The following PDE1C variants were observed in gnomAD, a reference collection of about 807,000 sequenced individuals.
The protein encoded by PDE1C is dual specificity calcium/calmodulin-dependent 3',5'-cyclic nucleotide phosphodiesterase 1C.
Under a neutral mutation model 93.1 loss-of-function variants are expected in PDE1C, and 62 were observed. That is an observed-to-expected ratio of 0.67 (90% CI 0.54 to 0.82). The LOEUF is 0.82. PDE1C is among the 40% of genes least tolerant of loss of function. The probability of loss-of-function intolerance (pLI) is 0.00; values close to 1 mark genes in which losing one functional copy is unlikely to be tolerated. For synonymous variants in PDE1C, 325 were observed against 310.1 expected, an observed-to-expected ratio of 1.05 and a Z score of -0.50; for missense variants, 742 against 884.6, an observed-to-expected ratio of 0.84 and a Z score of 2.04.
At chr7:32,123,608 A>G (rs1318537056) in intron 3 of PDE1C, among the ~76,000 whole-genome samples, 1 of 152,208 alleles carries the variant, frequency 6.6e-6, no homozygotes, top group Non-Finnish European at 1.5e-5. Flanking sequence ...AAAAAATCAC[A>G]TGATTATCTC....
chr7:32,219,197 A>T (rs1806651133), intron 1 of PDE1C, among the ~76,000 whole-genome samples: 1 of 152,128 alleles, frequency 6.6e-6, no homozygotes, highest in Admixed American at 6.5e-5. Context: ...TGTGGCCTGG[A>T]GTGACTAGTA....
intron 1 of PDE1C, among the ~76,000 whole-genome samples, chr7:32,410,809 T>TA (rs1373872571): frequency 2.0e-5 from 3 of 152,320 alleles, no homozygotes; most frequent in African/African-American, 7.2e-5. Context: ...AGGCCCTTGA[T>TA]AACTCTATTC....
At chr7:32,295,192 T>C (rs1279359124) in intron 1 of PDE1C, among the ~76,000 whole-genome samples, 1 of 152,230 alleles carries the variant, frequency 6.6e-6, no homozygotes, top group Non-Finnish European at 1.5e-5. Context: ...TCTTTCTGGT[T>C]TTGCTCCAGC....
chr7:32,302,102 T>C (rs138400593), upstream of PDE1C, among the ~76,000 whole-genome samples: 47 of 152,360 alleles, frequency 3.1e-4, no homozygotes, highest in East Asian at 7.9e-3. Flanking sequence ...TGGGACCATA[T>C]GGCCTGCAAA....
chr7:32,304,694 T>C (rs1002712533), intron 1 of PDE1C, among the ~76,000 whole-genome samples: 3 of 152,110 alleles, frequency 2.0e-5, no homozygotes, highest in Non-Finnish European at 4.4e-5. Flanking sequence ...CTTAGAAAAA[T>C]GACTTAGCCT....
intron 14 of PDE1C, among the ~76,000 whole-genome samples, chr7:31,820,355 A>C (rs752105784): frequency 1.6e-4 from 25 of 152,150 alleles, no homozygotes; most frequent in Non-Finnish European, 3.2e-4. Context: ...TTAGTCTTAC[A>C]CCAGAAAATA....
chr7:32,302,215 T>C (rs1812898329), upstream of PDE1C, among the ~76,000 whole-genome samples: 1 of 152,192 alleles, frequency 6.6e-6, no homozygotes, highest in Non-Finnish European at 1.5e-5. Flanking sequence ...TAACTTCTAG[T>C]TTTATTATAT....
rs190551904 is a variant in PDE1C, at chr7:32,113,203, G to A, written c.308+56582C>T. On this transcript the variant is annotated intron_variant, in intron 3 of 18. Coordinates refer to the PDE1C transcript ENST00000396193. ...CCCTGTAGTTCCACCCGAGGGAAGAGTTATATTTATAAATATAAATATATT... is the reference window on the plus strand; with the variant it reads ...CCCTGTAGTTCCACCCGAGGGAAGAATTATATTTATAAATATAAATATATT... 2.0e-3 allele frequency among the ~76,000 whole-genome samples: 256 copies of A among 127,714 alleles called. 2 individuals are homozygous for A. Among genetic ancestry groups the A allele is most frequent in the Middle Eastern group, 0.016 (3 of 192 alleles). 83.8% of individuals were successfully genotyped at this position (127,714 alleles called of 152,430 possible).
chr7:32,356,800 A>C (rs1784038450), intron 1 of PDE1C, among the ~76,000 whole-genome samples: 1 of 152,146 alleles, frequency 6.6e-6, no homozygotes, highest in Non-Finnish European at 1.5e-5. Context: ...CATACATACA[A>C]CTCATTTTCT....
the PDE1C span, among the ~76,000 whole-genome samples, chr7:31,648,218 T>C: frequency 2.6e-4 from 40 of 152,272 alleles, 1 homozygote; most frequent in South Asian, 3.7e-3. Context: ...CATTGTCTTT[T>C]GGTGATGGTG....
In PDE1C at chr7:31,916,859, C is replaced by T. The variant is rs183608100; in HGVS notation, c.129-35999G>A. 5.7e-4 allele frequency among the ~76,000 whole-genome samples: 87 copies of T among 152,280 alleles called. 1 individual carries two copies. Among genetic ancestry groups the T allele is most frequent in the African/African-American group, 2.0e-3 (84 of 41,554 alleles). On this transcript the variant is annotated intron_variant, in intron 2 of 17. Coordinates refer to ENST00000396191, the MANE Select transcript of PDE1C (RefSeq NM_001191057.4). ...AGTTCCTGGCACATTTATTGGCACC[C>T]CTTTCTGGAGGCAATGGACTGGAGG...
intron 1 of PDE1C, among the ~76,000 whole-genome samples, chr7:32,241,763 A>C (rs1038394973): frequency 6.6e-6 from 1 of 152,140 alleles, no homozygotes; most frequent in Admixed American, 6.5e-5. Flanking sequence ...TGAGAAGGTG[A>C]GAGAAGATAG....
At chr7:31,661,529 ATG>A in the PDE1C span, among the ~76,000 whole-genome samples, 1 of 151,566 alleles carries the variant, frequency 6.6e-6, no homozygotes, top group African/African-American at 2.4e-5. Context: ...CCTGGGCAAC[ATG>A]GTGAATCCCC....
intron 3 of PDE1C, among the ~76,000 whole-genome samples, chr7:32,079,075 G>C (rs1033924663): frequency 2.0e-5 from 3 of 152,230 alleles, no homozygotes; most frequent in Non-Finnish European, 4.4e-5. Context: ...GGTTGTTTTT[G>C]AAAGGCCACC....
intron 16 of PDE1C, among the ~76,000 whole-genome samples, chr7:31,803,259 T>C (rs1031949462): frequency 1.3e-5 from 2 of 151,794 alleles, no homozygotes; most frequent in Admixed American, 6.6e-5. Context: ...AGTTTGATTT[T>C]AGTCTTTTAA....
intron 2 of PDE1C, among the ~76,000 whole-genome samples, chr7:31,947,963 G>A (rs146702578): frequency 6.2e-4 from 94 of 152,282 alleles, no homozygotes; most frequent in African/African-American, 2.0e-3. Context: ...AAATCTGACA[G>A]ATGGCAAGAG....
chr7:31,736,009 A>T, the PDE1C span, among the ~76,000 whole-genome samples: 1 of 152,192 alleles, frequency 6.6e-6, no homozygotes, highest in Admixed American at 6.5e-5. Flanking sequence ...ATTCACGTGG[A>T]TTCAACAGTG....
rs964236573 is a variant in PDE1C, at chr7:32,310,422, T to C, written c.311-100883A>G. Among the ~76,000 whole-genome samples the C allele has an allele frequency of 4.6e-5, 7 of 152,144 alleles. No homozygotes were observed. The South Asian group carries it at 1.4e-3, about 31-fold the overall frequency. ...CAGACCTGGTAGACATCTACAGAAC[T>C]CTCTACCCCAAATCAACAGAATATA... is the stretch of plus-strand genomic sequence containing the variant. On this transcript the variant is annotated intron_variant, in intron 1 of 1. Coordinates refer to the PDE1C transcript ENST00000672256.
At chr7:32,246,248 C>T (rs527478125) in intron 1 of PDE1C, among the ~76,000 whole-genome samples, 3 of 152,226 alleles carry the variant, frequency 2.0e-5, no homozygotes, top group East Asian at 1.9e-4. Context: ...GGATTACAGG[C>T]GTGAGCCACC....
Sources: gnomAD v4.1 joint callset for allele counts (sites outside exome capture counted in the v4.1 genomes callset) on GRCh38, gnomAD v4.1.1 for gene constraint, MANE v1.5 for transcripts, NCBI Gene and HGNC (gene_info 2026-07-23, HGNC 2026-07-21) for gene names.